Variants in ATXN3 observed in about 807,000 individuals in gnomAD.
ATXN3 encodes ataxin-3.
ATXN3 carries 28 observed loss-of-function variants against 58.2 expected under a neutral mutation model. The observed-to-expected ratio is 0.48, with a 90% CI of 0.36 to 0.66. The LOEUF is 0.66. Ranked by LOEUF, ATXN3 falls within the 30% of genes least tolerant of loss-of-function variation. The pLI, the probability that ATXN3 is intolerant of heterozygous loss-of-function variation, is 0.00. For missense variants in ATXN3, 321 were observed against 422.1 expected (o/e 0.76, Z 2.10); for synonymous variants, 113 against 138.5 (o/e 0.82, Z 1.29).
At position 92,093,312 on chromosome 14, in the gene ATXN3, T is replaced by C; in HGVS notation, c.327A>G (p.Glu109=). ...CCTTATAATTGCATATAAATGATCT[T>C]TCATTTCTAAAAAAGAAAACAGACA... The part of the protein sequence containing the change: ...YQRLRIDPIN[E]RSFICNYKEH... Residue 109 remains glutamate, a synonymous_variant, in exon 5 of 11, where the codon GAA becomes GAG. Transcript: ENST00000644486. The C allele has an allele frequency of 7.1e-7, 1 of 1,409,312 alleles. No homozygotes were observed. Among genetic ancestry groups the C allele is most frequent in the Non-Finnish European group, 9.9e-7 (1 of 1,009,558 alleles). 87.3% of individuals were successfully genotyped at this position (1,409,312 alleles called of 1,614,324 possible). A position where few individuals can be genotyped will look rare whatever the true frequency, so the allele number is the denominator to read the frequency against.
intron 9 of ATXN3, among the ~76,000 whole-genome samples, chr14:92,076,182 A>G (rs1347255763): frequency 3.3e-5 from 5 of 152,180 alleles, no homozygotes; most frequent in Non-Finnish European, 7.3e-5. Flanking sequence ...GCAGTGGCTC[A>G]TGCCTGTAAT....
Position 92,060,266 on chromosome 14 carries a change from A to ATTTTT in ATXN3, c.*4053_*4054insAAAAA, listed in dbSNP as rs1403829852. ...TATACACACATATATATATATATATATATATTTTTTTTTTTCAGAAACAGT... is the reference window on the plus strand; with the variant it reads ...TATACACACATATATATATATATATATTTTTTATATTTTTTTTTTTCAGAAACAGT... On this transcript the variant is annotated 3_prime_UTR_variant, in exon 11 of 11. Transcript: ENST00000644486. The ATTTTT allele has an allele frequency of 3.1e-4, 26 of 84,880 alleles. No individual in the cohort carries two copies. The highest frequency in any genetic ancestry group is 8.3e-4 in the African/African-American group (18 of 21,740). 5.3% of individuals were successfully genotyped at this position (84,880 alleles called of 1,614,324 possible).
chr14:92,098,132 A>C (rs903727716), intron 1 of ATXN3, among the ~76,000 whole-genome samples: 1 of 152,144 alleles, frequency 6.6e-6, no homozygotes, highest in African/African-American at 2.4e-5. Context: ...TTTAGTCCCT[A>C]GAACAGTTAT....
intron 1 of ATXN3, among the ~76,000 whole-genome samples, chr14:92,101,273 C>A (rs988560600): frequency 6.6e-6 from 1 of 152,210 alleles, no homozygotes; most frequent in Admixed American, 6.5e-5. Flanking sequence ...CAAGGCTACA[C>A]GGAGCTAAGA....
chr14:92,053,972 G>A (rs1338391273), downstream of ATXN3, among the ~76,000 whole-genome samples: 1 of 151,162 alleles, frequency 6.6e-6, no homozygotes, highest in Non-Finnish European at 1.5e-5. Context: ...GTCTTGCTCT[G>A]TCATCCAGGC....
intron 5 of ATXN3, among the ~76,000 whole-genome samples, chr14:92,089,332 CT>C (rs1157498754): frequency 0.015 from 914 of 60,748 alleles, 7 homozygotes; most frequent in African/African-American, 0.056. Flanking sequence ...GCTAAATACT[CT>C]TTTTTTTTTT....
intron 2 of ATXN3, among the ~76,000 whole-genome samples, chr14:92,046,710 T>C (rs1026172431): frequency 2.6e-5 from 4 of 152,084 alleles, no homozygotes; most frequent in African/African-American, 9.7e-5. Context: ...TTTGTTAGGA[T>C]GGCAAAACCA....
Position 92,096,858 on chromosome 14 carries a change from A to T in ATXN3, c.25-20T>A. 1 of 1,609,396 alleles carries T rather than the reference A, an allele frequency of 6.2e-7. No homozygotes were observed. Among genetic ancestry groups the T allele is most frequent in the Non-Finnish European group, 8.5e-7 (1 of 1,176,356 alleles). ...TTCTTGCTAATATTTCCAAAAGAAA[A>T]AATTAAAATGTGACTTGTTAAACAG... On this transcript the variant is annotated intron_variant, in intron 1 of 10. Coordinates refer to ENST00000644486, the MANE Select transcript of ATXN3 (RefSeq NM_004993.6).
At chr14:92,100,825 C>T (rs1369893842) in intron 1 of ATXN3, among the ~76,000 whole-genome samples, 1 of 152,114 alleles carries the variant, frequency 6.6e-6, no homozygotes, top group Admixed American at 6.6e-5. Flanking sequence ...TGTGAAAATT[C>T]GCTGAGCTGT....
upstream of ATXN3, among the ~76,000 whole-genome samples, chr14:92,052,989 C>T (rs986670716): frequency 6.6e-6 from 1 of 152,116 alleles, no homozygotes; most frequent in Non-Finnish European, 1.5e-5. Context: ...CAGTGGCTCA[C>T]GCCTGTAATC....
At chr14:92,070,673 T>C (rs1375262615) in intron 10 of ATXN3, 1 of 891,754 alleles carries the variant, frequency 1.1e-6, no homozygotes, top group Non-Finnish European at 1.6e-6. Flanking sequence ...ATTCATTAAA[T>C]GTTCTAGCAA....
chr14:92,065,682 C>G (rs2058265677), intron 10 of ATXN3, among the ~76,000 whole-genome samples: 1 of 152,092 alleles, frequency 6.6e-6, no homozygotes, highest in East Asian at 1.9e-4. Flanking sequence ...GAGATGGAGA[C>G]CATCCTGACT....
intron 1 of ATXN3, 95 bp downstream of exon 1, chr14:92,106,434 C>T (rs1268717933): frequency 6.5e-7 from 1 of 1,536,224 alleles, no homozygotes; most frequent in Non-Finnish European, 9.0e-7. Flanking sequence ...ATGGGGGCGA[C>T]TCGGGCCCCA....
chr14:92,093,553 C>T, intron 4 of ATXN3, 193 bp downstream of exon 4: 2 of 636,364 alleles, frequency 3.1e-6, no homozygotes, highest in Non-Finnish European at 5.5e-6. Flanking sequence ...CTGCCACAGA[C>T]ACTGGGGTGC....
At chr14:92,057,116 C>G (rs1280816262), downstream of ATXN3, among the ~76,000 whole-genome samples, 1 of 152,176 alleles carries the variant, frequency 6.6e-6, no homozygotes, top group Non-Finnish European at 1.5e-5. Flanking sequence ...TAATCCACCC[C>G]TTGTTTAGCA....
chr14:92,099,831 T>A (rs1056698156), intron 1 of ATXN3, among the ~76,000 whole-genome samples: 1 of 150,316 alleles, frequency 6.7e-6, no homozygotes, highest in Non-Finnish European at 1.5e-5. Context: ...ACTGCACCAC[T>A]GCACTCCAGC....
chr14:92,097,319 C>G (rs1389851760), intron 1 of ATXN3, among the ~76,000 whole-genome samples: 1 of 151,702 alleles, frequency 6.6e-6, no homozygotes, highest in Non-Finnish European at 1.5e-5. Context: ...CCTCCGCCTC[C>G]CGGGTTCAAG....
At chr14:92,105,253 C>G (rs549919052) in intron 1 of ATXN3, among the ~76,000 whole-genome samples, 49 of 152,252 alleles carry the variant, frequency 3.2e-4, no homozygotes, top group Admixed American at 1.8e-3. Flanking sequence ...GAGACCCCGT[C>G]TCTCCCAAAA....
chr14:92,071,399 G>C (rs10467857), intron 9 of ATXN3, among the ~76,000 whole-genome samples: 68,295 of 151,562 alleles, frequency 0.45, 16,568 homozygotes, highest in African/African-American at 0.64. Flanking sequence ...AGTTTGACAC[G>C]AGCCTGGACA....
Sources: gnomAD v4.1 joint callset for allele counts (sites outside exome capture counted in the v4.1 genomes callset) on GRCh38, gnomAD v4.1.1 for gene constraint, MANE v1.5 for transcripts, NCBI Gene and HGNC (gene_info 2026-07-23, HGNC 2026-07-21) for gene names.